The following BRINP2 variants were observed in gnomAD, a reference collection of about 807,000 sequenced individuals.
BRINP2 encodes BMP/retinoic acid-inducible neural-specific protein 2.
BRINP2 carries 21 observed loss-of-function variants against 69.2 expected under a neutral mutation model. That is an observed-to-expected ratio of 0.30 (90% CI 0.22 to 0.44). BRINP2 has a LOEUF of 0.44. Among genes scored for constraint, BRINP2 ranks in the 20% least tolerant of loss-of-function variants. BRINP2 has a pLI of 1.00. For synonymous variants in BRINP2, 380 were observed against 394.1 expected (o/e 0.96, Z 0.42); for missense variants, 877 against 986.0 (o/e 0.89, Z 1.48).
chr1:177,250,925 A>T (rs554286066), intron 2 of BRINP2, among the ~76,000 whole-genome samples: 1 of 152,376 alleles, frequency 6.6e-6, no homozygotes, highest in African/African-American at 2.4e-5. Flanking sequence ...TAAAATGAAG[A>T]TAATTATATT....
chr1:177,204,948 G>A (rs529490197), intron 1 of BRINP2, among the ~76,000 whole-genome samples: 97 of 152,136 alleles, frequency 6.4e-4, no homozygotes, highest in South Asian at 1.7e-3. Flanking sequence ...GTTCTTGTAT[G>A]GCATACTTTT....
intron 1 of BRINP2, among the ~76,000 whole-genome samples, chr1:177,210,949 C>A (rs1649204284): frequency 6.7e-6 from 1 of 148,368 alleles, no homozygotes; most frequent in South Asian, 2.1e-4. Context: ...GCATTTATTT[C>A]TTTTTATATT....
chr1:177,257,879 A>G (rs1650821616), intron 4 of BRINP2, among the ~76,000 whole-genome samples: 1 of 152,196 alleles, frequency 6.6e-6, no homozygotes, highest in African/African-American at 2.4e-5. Context: ...ACAAAGTACT[A>G]AGTACTTGTT....
rs747450294 is a variant in BRINP2 at position 177,278,781 on chromosome 1, G to C, written c.1231G>C (p.Glu411Gln). The C allele has an allele frequency of 5.0e-6, 8 of 1,613,804 alleles. No individual in the cohort carries two copies. Among genetic ancestry groups the C allele is most frequent in the Non-Finnish European group, 6.8e-6 (8 of 1,180,026 alleles). The change falls in exon 7 of 8, where the codon GAG becomes CAG. Residue 411 changes from glutamate (E) to glutamine (Q), a missense_variant. Glu to Gln is a conservative substitution (Grantham distance 29). This residue lies in a region of BRINP2 where 566 missense variants were observed against 625.2 expected (regional missense o/e 0.91). Coordinates refer to ENST00000361539, the MANE Select transcript of BRINP2 (RefSeq NM_021165.4). ...HRQPRFRLPK[E>Q]RSLSYWWNRI... ...CCAGCCTCGCTTCCGCCTGCCCAAGGAGAGGTGAGCACCCCCTGGCTGCTA... is the reference window on the plus strand; with the variant it reads ...CCAGCCTCGCTTCCGCCTGCCCAAGCAGAGGTGAGCACCCCCTGGCTGCTA...
intron 1 of BRINP2, among the ~76,000 whole-genome samples, chr1:177,176,318 G>C (rs183878504): frequency 3.3e-5 from 5 of 151,868 alleles, no homozygotes; most frequent in African/African-American, 1.2e-4. Context: ...ATATGCATTG[G>C]GTTTTGAAGA....
chr1:177,223,816 G>T (rs1270436375), intron 1 of BRINP2, among the ~76,000 whole-genome samples: 3 of 152,054 alleles, frequency 2.0e-5, no homozygotes, highest in Non-Finnish European at 4.4e-5. Context: ...CCTATTGCTT[G>T]CCAGTTCCAT....
At chr1:177,253,622 A>G (rs1571933136) in intron 2 of BRINP2, among the ~76,000 whole-genome samples, 1 of 152,078 alleles carries the variant, frequency 6.6e-6, no homozygotes, top group African/African-American at 2.4e-5. Flanking sequence ...CATCAATGTC[A>G]TAAAGCTTTT....
chr1:177,244,910 C>T (rs1420435260), intron 2 of BRINP2, among the ~76,000 whole-genome samples: 1 of 152,116 alleles, frequency 6.6e-6, no homozygotes, highest in African/African-American at 2.4e-5. Context: ...GCCCTCATTC[C>T]TTTGTCCAAA....
At chr1:177,264,643 A>C (rs1208268833) in intron 4 of BRINP2, among the ~76,000 whole-genome samples, 2 of 152,210 alleles carry the variant, frequency 1.3e-5, no homozygotes, top group Non-Finnish European at 2.9e-5. Context: ...CAAAAATCAC[A>C]AGCATTCCTA....
At chr1:177,206,246 G>A (rs1260896886) in intron 1 of BRINP2, among the ~76,000 whole-genome samples, 3 of 152,140 alleles carry the variant, frequency 2.0e-5, no homozygotes, top group Admixed American at 1.3e-4. Flanking sequence ...AACCTCATAA[G>A]AGACCCAGAG....
intron 5 of BRINP2, among the ~76,000 whole-genome samples, chr1:177,274,828 T>C (rs1356705040): frequency 2.0e-5 from 3 of 152,066 alleles, no homozygotes; most frequent in Non-Finnish European, 2.9e-5. Context: ...GTAGGCACAG[T>C]GCCAAGGAAG....
rs541156895 is a variant in BRINP2 at position 177,198,577 on chromosome 1, G to A, written c.-77+26845G>A. Among the ~76,000 whole-genome samples the A allele has an allele frequency of 2.0e-5, 3 of 152,258 alleles. No individual in the cohort carries two copies. In the South Asian group the frequency reaches 6.2e-4, roughly 32 times the overall value. On this transcript the variant is annotated intron_variant, in intron 1 of 7. Transcript: ENST00000361539. ...AGTCCTCCAAATATGGCAGGCTGGGGTCCACCTTTTTTAAAAAATGGGCAA... is the reference window on the plus strand; with the variant it reads ...AGTCCTCCAAATATGGCAGGCTGGGATCCACCTTTTTTAAAAAATGGGCAA...
chr1:177,199,268 G>C (rs893559947), intron 1 of BRINP2, among the ~76,000 whole-genome samples: 1 of 152,286 alleles, frequency 6.6e-6, no homozygotes, highest in African/African-American at 2.4e-5. Flanking sequence ...TTTTCAGTAG[G>C]GTGGTGGTTT....
At chr1:177,256,920 A>G in intron 3 of BRINP2, 1 of 1,313,384 alleles carries the variant, frequency 7.6e-7, no homozygotes. Context: ...AGAGTTCAAT[A>G]GAAGATGTTA....
rs904926031 is a variant in BRINP2, at chr1:177,191,456, C to T, written c.-77+19724C>T. 1.8e-4 allele frequency among the ~76,000 whole-genome samples: 28 copies of T among 152,178 alleles called. No individual in the cohort carries two copies. The East Asian group carries it at 2.7e-3, about 15-fold the overall frequency. ...CCTCCTCTTTTTTCTTTCACTCTTT[C>T]GCTCTTTTTTTGTTTTGAGATGGAG... is the stretch of plus-strand genomic sequence containing the variant. On this transcript the variant is annotated intron_variant, in intron 1 of 7. Coordinates refer to ENST00000361539, the MANE Select transcript of BRINP2 (RefSeq NM_021165.4).
At chr1:177,215,570 T>A (rs1649351263) in intron 1 of BRINP2, among the ~76,000 whole-genome samples, 1 of 152,200 alleles carries the variant, frequency 6.6e-6, no homozygotes, top group Non-Finnish European at 1.5e-5. Flanking sequence ...AATTTGTTCA[T>A]CAATTCTAAC....
At chr1:177,196,571 T>G (rs1439753850) in intron 1 of BRINP2, among the ~76,000 whole-genome samples, 1 of 151,798 alleles carries the variant, frequency 6.6e-6, no homozygotes, top group Admixed American at 6.6e-5. Context: ...TGAGCTGAGA[T>G]TGCGCCACTG....
chr1:177,250,800 G>A (rs1478459574), intron 2 of BRINP2, among the ~76,000 whole-genome samples: 2 of 152,174 alleles, frequency 1.3e-5, no homozygotes. Context: ...TAGCCTAGTG[G>A]CAAAGGCTGT....
At position 177,276,342 on chromosome 1, in the gene BRINP2, A is replaced by G. The variant is rs1651494255; in HGVS notation, c.920A>G (p.Asn307Ser). ...TGCAGCCCCACCTTCCCTGAATGCA[A>G]CTGCCCTGATGCTGACATCCAGGCC... ...CKCSPTFPEC[N>S]CPDADIQAME... is the part of the protein sequence containing the mutation. Residue 307 changes from asparagine (N) to serine (S), a missense_variant, in exon 6 of 8, where the codon AAC (asparagine) becomes AGC (serine). By Grantham distance (46) the Asn-to-Ser change is conservative. Transcript: ENST00000361539. 4.3e-6 allele frequency: 7 copies of G among 1,614,204 alleles called. No individual in the cohort carries two copies. Among genetic ancestry groups the G allele is most frequent in the East Asian group, 4.5e-5 (2 of 44,874 alleles).
Sources: allele counts gnomAD v4.1 joint callset (sites outside exome capture counted in the v4.1 genomes callset), GRCh38; gene constraint gnomAD v4.1.1; regional missense constraint gnomAD v4.1.1; transcripts MANE v1.5; gene names NCBI Gene and HGNC (gene_info 2026-07-23, HGNC 2026-07-21).